The following SDK1 variants were observed in gnomAD, a reference collection of about 807,000 sequenced individuals.
SDK1 encodes the protein protein sidekick-1.
In SDK1, 157 loss-of-function variants were observed where a neutral mutation model predicts 245.5. That is an observed-to-expected ratio of 0.64 (90% CI 0.56 to 0.73). The LOEUF is 0.73. SDK1 is among the 30% of genes least tolerant of loss of function. The probability of loss-of-function intolerance (pLI) is 0.00; values close to 1 mark genes in which losing one functional copy is unlikely to be tolerated. For missense variants in SDK1, 3,583 were observed against 3,002.3 expected (o/e 1.19, Z -4.52); for synonymous variants, 1,647 against 1,278.5 (o/e 1.29, Z -6.15).
At chr7:3,375,488 A>G (rs1349308145) in intron 1 of SDK1, among the ~76,000 whole-genome samples, 1 of 152,186 alleles carries the variant, frequency 6.6e-6, no homozygotes, top group Non-Finnish European at 1.5e-5. Context: ...CTCTCCTTAC[A>G]TGTGTAGGGC....
At chr7:3,761,837 A>C (rs1780114795) in intron 4 of SDK1, among the ~76,000 whole-genome samples, 1 of 152,216 alleles carries the variant, frequency 6.6e-6, no homozygotes. Context: ...AAAAGCAAGT[A>C]TGAAGCCTTT....
At chr7:4,142,320 T>A (rs1430603515) in intron 28 of SDK1, among the ~76,000 whole-genome samples, 2 of 152,010 alleles carry the variant, frequency 1.3e-5, no homozygotes, top group East Asian at 3.9e-4. Flanking sequence ...GCGTTTTTGT[T>A]TTTTGTTTTG....
At chr7:4,145,954 G>C (rs1286263932) in intron 29 of SDK1, 38 bp downstream of exon 29, 1 of 1,549,506 alleles carries the variant, frequency 6.5e-7, no homozygotes, top group African/African-American at 1.4e-5. Flanking sequence ...TGCAGATGTT[G>C]TGGGCACAGC....
At chr7:3,565,244 G>GGAA (rs1262123952) in intron 1 of SDK1, among the ~76,000 whole-genome samples, 129 of 151,932 alleles carry the variant, frequency 8.5e-4, no homozygotes, top group Non-Finnish European at 1.6e-3. Flanking sequence ...TCCCTCTTCC[G>GGAA]GAGGTCATGA....
At chr7:4,110,349 C>A (rs1302541701) in intron 22 of SDK1, among the ~76,000 whole-genome samples, 2 of 152,184 alleles carry the variant, frequency 1.3e-5, no homozygotes, top group Non-Finnish European at 2.9e-5. Flanking sequence ...GGAAGGTCCC[C>A]TCCATCACTG....
chr7:3,361,211 T>G (rs146154148), intron 1 of SDK1, among the ~76,000 whole-genome samples: 1 of 152,334 alleles, frequency 6.6e-6, no homozygotes, highest in African/African-American at 2.4e-5. Flanking sequence ...TTCGGGAGAT[T>G]GAAACGGGAG....
At chr7:3,347,243 C>G (rs116587998) in intron 1 of SDK1, among the ~76,000 whole-genome samples, 2,840 of 151,998 alleles carry the variant, frequency 0.019, 86 homozygotes, top group African/African-American at 0.058. Flanking sequence ...ATTCTTTTAG[C>G]AATTTTGTAG....
intron 1 of SDK1, among the ~76,000 whole-genome samples, chr7:3,450,037 T>A (rs1780464468): frequency 1.3e-5 from 2 of 152,198 alleles, no homozygotes; most frequent in South Asian, 4.1e-4. Context: ...AAGAAAGGAA[T>A]TAACCAGGCA....
intron 4 of SDK1, among the ~76,000 whole-genome samples, chr7:3,721,528 G>T (rs1213528484): frequency 1.3e-5 from 2 of 152,194 alleles, no homozygotes; most frequent in African/African-American, 2.4e-5. Context: ...TAAAGTTTGG[G>T]AGGAGGGCCT....
At chr7:4,235,484 A>G (rs1468870866) in intron 41 of SDK1, among the ~76,000 whole-genome samples, 2 of 152,148 alleles carry the variant, frequency 1.3e-5, no homozygotes. Context: ...TTTTTTAATG[A>G]GTAAGATTTA....
intron 4 of SDK1, among the ~76,000 whole-genome samples, chr7:3,731,383 G>GT (rs1367643596): frequency 6.6e-6 from 1 of 152,218 alleles, no homozygotes; most frequent in East Asian, 1.9e-4. Context: ...CCGAGTCAGC[G>GT]TGGGAGGGCA....
chr7:4,081,194 T>G (rs866403902), intron 22 of SDK1, among the ~76,000 whole-genome samples: 1 of 152,164 alleles, frequency 6.6e-6, no homozygotes, highest in Non-Finnish European at 1.5e-5. Flanking sequence ...GGGCTCAACA[T>G]ACAAAAGCTC....
At chr7:3,640,879 T>C (rs1562623384) in intron 3 of SDK1, among the ~76,000 whole-genome samples, 1 of 152,108 alleles carries the variant, frequency 6.6e-6, no homozygotes, top group African/African-American at 2.4e-5. Flanking sequence ...AGATCGGGCT[T>C]CACCATGTTG....
intron 1 of SDK1, among the ~76,000 whole-genome samples, chr7:3,467,549 G>C (rs1201560714): frequency 1.3e-5 from 2 of 151,872 alleles, no homozygotes; most frequent in Non-Finnish European, 2.9e-5. Flanking sequence ...TTGCTTTTTA[G>C]ATATTTAATA....
chr7:3,420,467 G>A (rs945018513), intron 1 of SDK1, among the ~76,000 whole-genome samples: 4 of 152,084 alleles, frequency 2.6e-5, no homozygotes, highest in Admixed American at 2.0e-4. Context: ...CTAAATATCA[G>A]GTATCTAGTT....
rs147779671 is a variant in SDK1, at chr7:3,586,273, C to G, written c.299-32807C>G. Reference sequence around the variant, plus strand: ...AAGTTACTGGGTCAACATAGACCTCCGAAAGAGCCCGCCCTAGGCCAGGAG... The same window carrying G: ...AAGTTACTGGGTCAACATAGACCTCGGAAAGAGCCCGCCCTAGGCCAGGAG... On this transcript the variant is annotated intron_variant, in intron 1 of 44. Transcript: ENST00000404826. Among the ~76,000 whole-genome samples the G allele has an allele frequency of 3.3e-4, 50 of 151,968 alleles. 1 individual carries two copies. The South Asian group carries it at 0.01, about 30-fold the overall frequency.
At chr7:3,582,379 T>C (rs1333380681) in intron 1 of SDK1, among the ~76,000 whole-genome samples, 12 of 141,758 alleles carry the variant, frequency 8.5e-5, no homozygotes, top group South Asian at 4.7e-4. Flanking sequence ...GGTAGGTCTG[T>C]CTCAGGTAGG....
At chr7:4,076,553 T>TAGAC (rs1405887846) in intron 20 of SDK1, among the ~76,000 whole-genome samples, 1 of 141,666 alleles carries the variant, frequency 7.1e-6, no homozygotes, top group African/African-American at 2.7e-5. Context: ...CAAAAATAAA[T>TAGAC]AGATAGATAC....
At chr7:4,258,288 T>G (rs1450493119) in intron 44 of SDK1, among the ~76,000 whole-genome samples, 1 of 152,026 alleles carries the variant, frequency 6.6e-6, no homozygotes, top group African/African-American at 2.4e-5. Flanking sequence ...GAACCACCCC[T>G]AGGCCCCACC....
Sources: allele counts gnomAD v4.1 joint callset (sites outside exome capture counted in the v4.1 genomes callset), GRCh38; gene constraint gnomAD v4.1.1; transcripts MANE v1.5; gene names NCBI Gene and HGNC (gene_info 2026-07-23, HGNC 2026-07-21).